Variants in PLXND1 observed in about 807,000 individuals in gnomAD.
PLXND1 encodes plexin D1.
In PLXND1, 54 loss-of-function variants were observed where a neutral mutation model predicts 197.7. The observed-to-expected ratio is 0.27, with a 90% CI of 0.22 to 0.34. PLXND1 has a LOEUF of 0.34. Among genes scored for constraint, PLXND1 ranks in the 10% least tolerant of loss-of-function variants. The probability of loss-of-function intolerance (pLI) is 1.00; values close to 1 mark genes in which losing one functional copy is unlikely to be tolerated. For synonymous variants in PLXND1, 1,180 were observed against 1,161.2 expected, an observed-to-expected ratio of 1.02 and a Z score of -0.33; for missense variants, 2,127 against 2,699.2, an observed-to-expected ratio of 0.79 and a Z score of 4.70.
intron 1 of PLXND1, among the ~76,000 whole-genome samples, chr3:129,599,590 G>A (rs1481703824): frequency 6.6e-6 from 1 of 152,206 alleles, no homozygotes; most frequent in Non-Finnish European, 1.5e-5. Context: ...AGGGCCATGG[G>A]CTCACTCCTT....
At chr3:129,564,722 G>A (rs754781843) in intron 25 of PLXND1, among the ~76,000 whole-genome samples, 4 of 152,200 alleles carry the variant, frequency 2.6e-5, no homozygotes, top group Non-Finnish European at 5.9e-5. Context: ...CCCAGCCTCC[G>A]CTCTCATCCA....
intron 25 of PLXND1, among the ~76,000 whole-genome samples, 170 bp downstream of exon 25, chr3:129,565,170 C>G (rs968876015): frequency 2.0e-5 from 3 of 152,248 alleles, no homozygotes; most frequent in Non-Finnish European, 2.9e-5. Flanking sequence ...GGCCATGGCT[C>G]CCCTCTCTGC....
chr3:129,555,448 T>G lies in PLXND1; in HGVS notation c.*864A>C. 1 of 673,132 alleles carries G rather than the reference T, an allele frequency of 1.5e-6. No homozygotes were observed. Among genetic ancestry groups the G allele is most frequent in the Non-Finnish European group, 2.6e-6 (1 of 377,404 alleles). 41.7% of individuals were successfully genotyped at this position (673,132 alleles called of 1,614,324 possible). On this transcript the variant is annotated 3_prime_UTR_variant, in exon 36 of 36. Coordinates refer to ENST00000324093, the MANE Select transcript of PLXND1 (RefSeq NM_015103.3). ...CTCTCTGGAACAGTCATTTCCAGTGTTGCATGGGGAGCCTCTCGGGACCCC... is the reference window on the plus strand; with the variant it reads ...CTCTCTGGAACAGTCATTTCCAGTGGTGCATGGGGAGCCTCTCGGGACCCC...
chr3:129,573,714 C>G lies in PLXND1; in HGVS notation c.2717G>C (p.Gly906Ala). 1.2e-6 allele frequency: 2 copies of G among 1,613,700 alleles called. No individual in the cohort carries two copies. Among genetic ancestry groups the G allele is most frequent in the Non-Finnish European group, 1.7e-6 (2 of 1,180,002 alleles). The change falls in exon 13 of 36, where the codon GGG (glycine) becomes GCG (alanine). Residue 906 changes from glycine to alanine, a missense_variant. By Grantham distance (60) the Gly-to-Ala change is moderately conservative (BLOSUM62 0). Coordinates refer to ENST00000324093, the MANE Select transcript of PLXND1 (RefSeq NM_015103.3). The stretch of plus-strand genomic sequence containing the variant: ...CCTTCCTCGGATGGTCAGCAGGGTC[C>G]CACCGTCCAACGGGCCACTCAGGGG... Reference protein sequence around the residue: ...IEPLSGPLDGGTLLTIRGRNL... With the variant: ...IEPLSGPLDGATLLTIRGRNL...
chr3:129,578,261 A>G (rs1264358704), intron 9 of PLXND1, 68 bp downstream of exon 9: 10 of 912,570 alleles, frequency 1.1e-5, no homozygotes, highest in Non-Finnish European at 1.8e-5. Flanking sequence ...ACATGGGGGC[A>G]GTTAGTGGCC....
Position 129,572,961 on chromosome 3 carries a change from T to C in PLXND1, c.2838-20A>G, listed in dbSNP as rs1220365456. Reference sequence around the variant, plus strand: ...ACGATCCTGAGGGGAGGTGCTGTGGTCAGCCAGCGGTCCTTGGCCCCCACG... The same window carrying C: ...ACGATCCTGAGGGGAGGTGCTGTGGCCAGCCAGCGGTCCTTGGCCCCCACG... On this transcript the variant is annotated intron_variant, in intron 13 of 35. Transcript: ENST00000324093. 1.3e-6 allele frequency: 2 copies of C among 1,589,742 alleles called. No individual in the cohort carries two copies. The highest frequency in any genetic ancestry group is 1.7e-6 in the Non-Finnish European group (2 of 1,159,824).
intron 1 of PLXND1, among the ~76,000 whole-genome samples, chr3:129,596,628 AG>A (rs1441254010): frequency 1.3e-5 from 2 of 152,156 alleles, no homozygotes; most frequent in Non-Finnish European, 2.9e-5. Flanking sequence ...CCTCCCCTGA[AG>A]GGACTCCAGG....
At position 129,606,214 on chromosome 3, in the gene PLXND1, G is replaced by T; in HGVS notation, c.426C>A (p.Ser142=). 1 of 1,579,546 alleles carries T rather than the reference G, an allele frequency of 6.3e-7. No individual in the cohort carries two copies. The change falls in exon 1 of 36, where the codon TCC becomes TCA. Residue 142 remains serine (S), a synonymous_variant. Coordinates refer to ENST00000324093, the MANE Select transcript of PLXND1 (RefSeq NM_015103.3). ...GCAGCTGGCAGAAGCCCTGGTAGAT[G>T]GACCCGCACACGACTACCAGGCCCT... is the stretch of plus-strand genomic sequence containing the variant. ...PGQGLVVVCG[S]IYQGFCQLRR...
chr3:129,561,043 C>G (rs1363208514), intron 29 of PLXND1: 4 of 515,564 alleles, frequency 7.8e-6, no homozygotes, highest in Non-Finnish European at 1.1e-5. Context: ...CACAGTGACC[C>G]GGGATGGAGG....
rs535900415 is a variant in PLXND1 at position 129,559,892 on chromosome 3, A to G, written c.5134-109T>C. The G allele has an allele frequency of 2.4e-5, 23 of 962,734 alleles. No individual in the cohort carries two copies. The African/African-American group carries it at 3.8e-4, about 16-fold the overall frequency. The allele number at this position is 962,734 out of a possible 1,614,324, so 59.6% of individuals were successfully genotyped here. The stretch of plus-strand genomic sequence containing the variant: ...GAAATGCCAGGCTGCTGAATGAGGA[A>G]GCCACATGGCATCAGGCTGGTCACC... On this transcript the variant is annotated intron_variant, in intron 31 of 35. Coordinates refer to ENST00000324093, the MANE Select transcript of PLXND1 (RefSeq NM_015103.3).
At chr3:129,563,645 G>C (rs2108767136) in intron 25 of PLXND1, among the ~76,000 whole-genome samples, 2 of 152,298 alleles carry the variant, frequency 1.3e-5, no homozygotes, top group Admixed American at 1.3e-4. Context: ...TGTGAGTTTA[G>C]GTGGACCCGA....
Position 129,559,716 on chromosome 3 carries a change from G to T in PLXND1, c.5201C>A (p.Pro1734Gln). 1 of 1,613,210 alleles carries T rather than the reference G, an allele frequency of 6.2e-7. No individual in the cohort carries two copies. Among genetic ancestry groups the T allele is most frequent in the East Asian group, 2.2e-5 (1 of 44,876 alleles). Residue 1734 changes from proline (P) to glutamine (Q), a missense_variant, in exon 32 of 36, where the codon CCA becomes CAA. Transcript: ENST00000324093. ...AILSIREDKP[P>Q]LAVKYFFDFL... ...GTCGAAAAAGTACTTGACAGCCAGT[G>T]GGGGCTTGTCTTCACGGATACTCAG...
intron 29 of PLXND1, 101 bp from the exon 30 acceptor site, chr3:129,560,824 G>C: frequency 3.9e-6 from 3 of 778,096 alleles, no homozygotes; most frequent in Non-Finnish European, 7.0e-6. Context: ...AAGACAGAAA[G>C]ATGGGGAGAG....
chr3:129,603,232 G>A (rs1409728872), intron 1 of PLXND1, among the ~76,000 whole-genome samples: 1 of 152,194 alleles, frequency 6.6e-6, no homozygotes, highest in Non-Finnish European at 1.5e-5. Context: ...TGGGGAAGAG[G>A]CCCTTCGCCA....
intron 11 of PLXND1, among the ~76,000 whole-genome samples, chr3:129,575,221 G>A (rs1435643700): frequency 6.6e-6 from 1 of 152,226 alleles, no homozygotes; most frequent in East Asian, 1.9e-4. Context: ...TCTGCAGAGG[G>A]ACTGTGTCCT....
intron 11 of PLXND1, among the ~76,000 whole-genome samples, chr3:129,575,181 C>T (rs1177054108): frequency 1.3e-5 from 2 of 152,210 alleles, no homozygotes; most frequent in African/African-American, 2.4e-5. Context: ...CAAGGTTGGG[C>T]GAGCCCTGGC....
intron 5 of PLXND1, 130 bp from the exon 6 acceptor site, chr3:129,584,692 G>A (rs1156273018): frequency 1.7e-5 from 14 of 814,120 alleles, no homozygotes; most frequent in Non-Finnish European, 2.3e-5. Context: ...TGGTGGCCAG[G>A]ACTCAGGGCC....
At position 129,566,021 on chromosome 3, in the gene PLXND1, T is replaced by C. The variant is rs1321174023; in HGVS notation, c.4192-4A>G. 1.9e-6 allele frequency: 3 copies of C among 1,614,082 alleles called. No individual in the cohort carries two copies. Among genetic ancestry groups the C allele is most frequent in the African/African-American group, 1.3e-5 (1 of 75,068 alleles). ...TGGGCCGGCAGCTCTCAGGAATCTG[T>C]GGAAGCAACTGGTGATGGGGTGTCC... On this transcript the variant is annotated splice_polypyrimidine_tract_variant and splice_region_variant and intron_variant, in intron 23 of 35. Coordinates refer to ENST00000324093, the MANE Select transcript of PLXND1 (RefSeq NM_015103.3).
chr3:129,556,152 C>T lies in PLXND1; in HGVS notation c.*160G>A, dbSNP rs904931231. 47 of 633,494 alleles carry T rather than the reference C, an allele frequency of 7.4e-5. No homozygotes were observed. Among genetic ancestry groups the T allele is most frequent in the Non-Finnish European group, 1.0e-4 (36 of 353,868 alleles). 39.2% of individuals were successfully genotyped at this position (633,494 alleles called of 1,614,324 possible). On this transcript the variant is annotated 3_prime_UTR_variant, in exon 36 of 36. Coordinates refer to ENST00000324093, the MANE Select transcript of PLXND1 (RefSeq NM_015103.3). ...AGGTGCCCAGGGGTCAAGGCGGGGGCGCCCCTGTCTCAGAGAGCAGCCCCT... is the reference window on the plus strand; with the variant it reads ...AGGTGCCCAGGGGTCAAGGCGGGGGTGCCCCTGTCTCAGAGAGCAGCCCCT...
Sources: gnomAD v4.1 joint callset for allele counts (sites outside exome capture counted in the v4.1 genomes callset) on GRCh38, gnomAD v4.1.1 for gene constraint, MANE v1.5 for transcripts, NCBI Gene and HGNC (gene_info 2026-07-23, HGNC 2026-07-21) for gene names.